Variants in LYN observed in about 807,000 individuals in gnomAD.
LYN encodes the protein LYN proto-oncogene, Src family tyrosine kinase, also known as tyrosine-protein kinase Lyn.
Under a neutral mutation model 65.0 loss-of-function variants are expected in LYN, and 12 were observed. The ratio of observed to expected loss-of-function variants is 0.18; its 90% confidence interval spans 0.12 to 0.30. LYN has a LOEUF of 0.30. LYN is among the 10% of genes least tolerant of loss of function. The pLI, the probability that LYN is intolerant of heterozygous loss-of-function variation, is 1.00. For synonymous variants in LYN, 222 were observed against 221.2 expected, an observed-to-expected ratio of 1.00 and a Z score of -0.03; for missense variants, 380 against 623.2, an observed-to-expected ratio of 0.61 and a Z score of 4.16.
At chr8:55,997,859 C>T (rs185757878) in intron 10 of LYN, among the ~76,000 whole-genome samples, 32 of 152,176 alleles carry the variant, frequency 2.1e-4, no homozygotes, top group East Asian at 9.7e-4. Flanking sequence ...CCAAGGCGGG[C>T]GGATCACGAG....
intron 1 of LYN, among the ~76,000 whole-genome samples, chr8:55,887,536 T>C (rs1225756116): frequency 8.3e-6 from 1 of 120,264 alleles, no homozygotes; most frequent in Non-Finnish European, 1.7e-5. Flanking sequence ...AATATATACA[T>C]AAATCCCATA....
Position 55,975,545 on chromosome 8 carries a change from G to A in LYN, c.1050+5752G>A, listed in dbSNP as rs555561981. Among the ~76,000 whole-genome samples the A allele has an allele frequency of 5.9e-5, 9 of 152,280 alleles. No individual in the cohort carries two copies. The East Asian group carries it at 9.6e-4, about 16-fold the overall frequency. On this transcript the variant is annotated intron_variant, in intron 10 of 12. Transcript: ENST00000519728. Reference sequence around the variant, plus strand: ...CAGATGACATTGATATAAGATTTTAGCATTGCTCTAAATAAGGGAACACAA... The same window carrying A: ...CAGATGACATTGATATAAGATTTTAACATTGCTCTAAATAAGGGAACACAA...
At chr8:55,963,338 G>A (rs1332476742) in intron 8 of LYN, among the ~76,000 whole-genome samples, 1 of 152,170 alleles carries the variant, frequency 6.6e-6, no homozygotes, top group African/African-American at 2.4e-5. Context: ...CCAGCAATAT[G>A]CCAGTCCCCA....
chr8:55,981,048 C>A (rs1807903686), intron 10 of LYN, among the ~76,000 whole-genome samples: 1 of 152,106 alleles, frequency 6.6e-6, no homozygotes, highest in South Asian at 2.1e-4. Flanking sequence ...GTCCCCACCA[C>A]ACCCAGAGAG....
At chr8:55,993,520 G>C (rs909323850) in intron 10 of LYN, among the ~76,000 whole-genome samples, 5 of 152,180 alleles carry the variant, frequency 3.3e-5, no homozygotes, top group African/African-American at 1.2e-4. Flanking sequence ...TGGACTTTGA[G>C]GTCAGACACG....
chr8:55,927,123 AG>A (rs776985141), intron 1 of LYN, among the ~76,000 whole-genome samples: 3 of 152,266 alleles, frequency 2.0e-5, no homozygotes, highest in African/African-American at 4.8e-5. Flanking sequence ...AGTTTTCATT[AG>A]GATTCACTCT....
intron 4 of LYN, among the ~76,000 whole-genome samples, chr8:55,948,965 G>T (rs545822355): frequency 7.2e-5 from 11 of 152,276 alleles, no homozygotes; most frequent in Non-Finnish European, 1.0e-4. Context: ...GTCTGTGTGT[G>T]GAATTTATAG....
chr8:55,931,788 A>G (rs1013444801), intron 1 of LYN, among the ~76,000 whole-genome samples: 1 of 152,286 alleles, frequency 6.6e-6, no homozygotes, highest in South Asian at 2.1e-4. Flanking sequence ...CAGAAGGGCA[A>G]TTTGATGTTT....
chr8:55,984,097 C>T (rs1445485907), intron 10 of LYN, among the ~76,000 whole-genome samples: 1 of 152,152 alleles, frequency 6.6e-6, no homozygotes, highest in Non-Finnish European at 1.5e-5. Flanking sequence ...CTTCCTCTGC[C>T]TTCTCTCATA....
intron 1 of LYN, among the ~76,000 whole-genome samples, chr8:55,888,348 G>A (rs1804860004): frequency 6.6e-6 from 1 of 152,212 alleles, no homozygotes; most frequent in Non-Finnish European, 1.5e-5. Flanking sequence ...CCACAGGCAG[G>A]CTTGGAGGGT....
chr8:55,912,738 CA>C (rs1805675842), intron 1 of LYN, among the ~76,000 whole-genome samples: 1 of 63,800 alleles, frequency 1.6e-5, no homozygotes, highest in African/African-American at 9.8e-5. Context: ...AAAAAAAAAA[CA>C]AAACAAAACA....
chr8:55,972,538 CG>C (rs1373417778), intron 10 of LYN, among the ~76,000 whole-genome samples: 2 of 152,180 alleles, frequency 1.3e-5, no homozygotes, highest in Non-Finnish European at 2.9e-5. Context: ...CTCCCTCGTC[CG>C]CCTGGGATGC....
chr8:55,975,244 T>C (rs1377920190), intron 10 of LYN, among the ~76,000 whole-genome samples: 1 of 152,200 alleles, frequency 6.6e-6, no homozygotes, highest in Non-Finnish European at 1.5e-5. Context: ...TGGTTAGCTC[T>C]TTCTCAGAAT....
intron 7 of LYN, among the ~76,000 whole-genome samples, 195 bp from the exon 8 acceptor site, chr8:55,953,637 A>AGTTTC (rs1807016019): frequency 1.3e-5 from 2 of 152,102 alleles, no homozygotes; most frequent in African/African-American, 4.8e-5. Context: ...ATAGGAGTGA[A>AGTTTC]ACTTCATCTC....
intron 1 of LYN, among the ~76,000 whole-genome samples, chr8:55,934,212 C>T (rs1226971765): frequency 1.3e-5 from 2 of 151,826 alleles, no homozygotes; most frequent in African/African-American, 4.8e-5. Context: ...GGCGACAGAG[C>T]GAGATCCGTC....
At position 55,987,974 on chromosome 8, in the gene LYN, A is replaced by T. The variant is rs190104677; in HGVS notation, c.1051-10372A>T. On this transcript the variant is annotated intron_variant, in intron 10 of 12. Coordinates refer to ENST00000519728, the MANE Select transcript of LYN (RefSeq NM_002350.4). ...TAGCAATCATCATCATCATCAAAGT[A>T]TAGATTTCACTATTTCTTAGCAGTT... is the stretch of plus-strand genomic sequence containing the variant. Among the ~76,000 whole-genome samples, 12 of 152,380 alleles carry T rather than the reference A, an allele frequency of 7.9e-5. No homozygotes were observed. The East Asian group carries it at 2.1e-3, about 27-fold the overall frequency.
At chr8:55,882,160 G>T (rs1210099554) in intron 1 of LYN, among the ~76,000 whole-genome samples, 2 of 152,142 alleles carry the variant, frequency 1.3e-5, no homozygotes, top group Admixed American at 6.5e-5. Flanking sequence ...TGGAAGAGAG[G>T]TCCTGATGTG....
At chr8:55,984,011 A>G (rs1043585090) in intron 10 of LYN, among the ~76,000 whole-genome samples, 2 of 152,264 alleles carry the variant, frequency 1.3e-5, no homozygotes, top group South Asian at 4.1e-4. Flanking sequence ...AGCTTCTGGC[A>G]GCTCCGATGT....
At chr8:55,884,248 G>A (rs971346705) in intron 1 of LYN, among the ~76,000 whole-genome samples, 4 of 152,102 alleles carry the variant, frequency 2.6e-5, no homozygotes, top group Middle Eastern at 3.2e-3. Flanking sequence ...TTACTTACAA[G>A]CATGTGCCAC....
Sources: gnomAD v4.1 joint callset for allele counts (sites outside exome capture counted in the v4.1 genomes callset) on GRCh38, gnomAD v4.1.1 for gene constraint, MANE v1.5 for transcripts, NCBI Gene and HGNC (gene_info 2026-07-23, HGNC 2026-07-21) for gene names.